The following DNAJC1 variants were observed in gnomAD, a reference collection of about 807,000 sequenced individuals.
The protein encoded by DNAJC1 is DnaJ heat shock protein family (Hsp40) member C1, also known as dnaJ homolog subfamily C member 1.
In DNAJC1, 58 loss-of-function variants were observed where a neutral mutation model predicts 76.6. The observed-to-expected ratio is 0.76, with a 90% confidence interval of 0.61 to 0.94. The LOEUF (loss-of-function observed/expected upper bound fraction) is 0.94. Ranked by LOEUF, DNAJC1 falls within the 40% of genes least tolerant of loss-of-function variation. DNAJC1 has a pLI of 0.00. For synonymous variants in DNAJC1, 258 were observed against 267.9 expected (o/e 0.96, Z 0.36); for missense variants, 689 against 677.3 (o/e 1.02, Z -0.19).
chr10:21,810,837 C>CA (rs1332907010), intron 8 of DNAJC1, among the ~76,000 whole-genome samples: 2 of 152,122 alleles, frequency 1.3e-5, no homozygotes, highest in Non-Finnish European at 2.9e-5. Flanking sequence ...GACCCATACC[C>CA]AATATAACTG....
intron 8 of DNAJC1, among the ~76,000 whole-genome samples, chr10:21,811,509 G>A (rs956055194): frequency 1.3e-5 from 2 of 152,222 alleles, no homozygotes; most frequent in African/African-American, 4.8e-5. Flanking sequence ...ATCAGTGTGA[G>A]AGTTGTGTGC....
intron 8 of DNAJC1, among the ~76,000 whole-genome samples, chr10:21,878,771 C>G (rs1836225521): frequency 6.6e-6 from 1 of 152,048 alleles, no homozygotes; most frequent in Non-Finnish European, 1.5e-5. Context: ...ACTGTATTTA[C>G]TGAAGTTGAG....
At chr10:21,818,651 C>A (rs1223366478) in intron 8 of DNAJC1, among the ~76,000 whole-genome samples, 1 of 152,168 alleles carries the variant, frequency 6.6e-6, no homozygotes, top group Non-Finnish European at 1.5e-5. Context: ...TACTCTGTCC[C>A]TTTATTTCTC....
At chr10:21,858,882 C>T (rs886785473) in intron 8 of DNAJC1, among the ~76,000 whole-genome samples, 5 of 152,050 alleles carry the variant, frequency 3.3e-5, no homozygotes, top group Admixed American at 2.6e-4. Context: ...GAACTTTACT[C>T]CCATTACTCA....
At chr10:21,958,701 C>G (rs1001811086) in intron 1 of DNAJC1, among the ~76,000 whole-genome samples, 2 of 152,130 alleles carry the variant, frequency 1.3e-5, no homozygotes, top group African/African-American at 4.8e-5. Context: ...GCTGGGATTA[C>G]AGGAGTGAGC....
intron 7 of DNAJC1, among the ~76,000 whole-genome samples, chr10:21,903,171 G>A (rs554091305): frequency 2.8e-4 from 43 of 152,146 alleles, no homozygotes; most frequent in African/African-American, 9.9e-4. Flanking sequence ...CGCCCGCCTC[G>A]GCCTCCAAAA....
chr10:21,766,444 G>A (rs370480933), intron 9 of DNAJC1, 135 bp from the exon 10 acceptor site: 23 of 677,808 alleles, frequency 3.4e-5, no homozygotes, highest in Middle Eastern at 2.5e-4. Context: ...TCAGTCGTCT[G>A]TCGCATCCAT....
intron 1 of DNAJC1, among the ~76,000 whole-genome samples, chr10:21,958,907 T>G (rs1015759147): frequency 1.3e-5 from 2 of 152,194 alleles, no homozygotes; most frequent in African/African-American, 4.8e-5. Context: ...ATTTTGAATA[T>G]AACAGAGCTC....
chr10:21,884,157 T>C (rs764000119), intron 7 of DNAJC1, among the ~76,000 whole-genome samples: 5 of 152,232 alleles, frequency 3.3e-5, no homozygotes, highest in Admixed American at 6.5e-5. Flanking sequence ...AGACAAATAA[T>C]AGATTTGGAA....
chr10:21,965,019 A>G (rs1214729336), intron 1 of DNAJC1, among the ~76,000 whole-genome samples: 1 of 152,108 alleles, frequency 6.6e-6, no homozygotes, highest in South Asian at 2.1e-4. Flanking sequence ...ACTGTATTGT[A>G]TAACAATTCT....
At chr10:21,781,832 T>G (rs2131628291) in intron 9 of DNAJC1, among the ~76,000 whole-genome samples, 1 of 151,334 alleles carries the variant, frequency 6.6e-6, no homozygotes. Context: ...CAGAAATAAG[T>G]ATGTTCTTTG....
chr10:21,783,124 G>C (rs1341275000), intron 9 of DNAJC1, among the ~76,000 whole-genome samples: 1 of 152,206 alleles, frequency 6.6e-6, no homozygotes, highest in Non-Finnish European at 1.5e-5. Flanking sequence ...CCTGTTTGTA[G>C]ATGACATGAT....
intron 8 of DNAJC1, among the ~76,000 whole-genome samples, chr10:21,846,596 A>C (rs1348568950): frequency 6.6e-6 from 1 of 152,200 alleles, no homozygotes; most frequent in African/African-American, 2.4e-5. Context: ...TTTAAAATTG[A>C]AATATAATAT....
intron 10 of DNAJC1, among the ~76,000 whole-genome samples, chr10:21,761,858 T>C (rs575846412): frequency 7.2e-5 from 11 of 152,220 alleles, no homozygotes; most frequent in Non-Finnish European, 1.6e-4. Flanking sequence ...ATCTCCTCCA[T>C]ATTTTTTATT....
intron 9 of DNAJC1, among the ~76,000 whole-genome samples, chr10:21,778,392 C>T (rs1013166679): frequency 6.6e-6 from 1 of 152,118 alleles, no homozygotes; most frequent in Non-Finnish European, 1.5e-5. Context: ...GTTCAAATAT[C>T]GTGTGGGTCA....
chr10:21,913,511 G>A (rs1319458373), intron 6 of DNAJC1, among the ~76,000 whole-genome samples: 3 of 152,020 alleles, frequency 2.0e-5, no homozygotes, highest in African/African-American at 7.2e-5. Flanking sequence ...AAACAGTTGC[G>A]AAAATAAACT....
chr10:21,959,764 C>T (rs1386666444), intron 1 of DNAJC1, among the ~76,000 whole-genome samples: 4 of 138,270 alleles, frequency 2.9e-5, no homozygotes, highest in African/African-American at 8.3e-5. Context: ...TCAGCCTAGG[C>T]GACAGAGGGA....
intron 1 of DNAJC1, among the ~76,000 whole-genome samples, chr10:21,959,668 C>G (rs1837752781): frequency 1.3e-5 from 2 of 151,664 alleles, no homozygotes; most frequent in African/African-American, 2.4e-5. Flanking sequence ...TGCCTGTAGT[C>G]CCAGCTACCC....
At chr10:21,774,713 G>A (rs981067190) in intron 9 of DNAJC1, among the ~76,000 whole-genome samples, 2 of 152,142 alleles carry the variant, frequency 1.3e-5, no homozygotes, top group Admixed American at 6.5e-5. Flanking sequence ...TCCTGACCTC[G>A]TGATCCGCCT....
Sources: allele counts gnomAD v4.1 joint callset (sites outside exome capture counted in the v4.1 genomes callset), GRCh38; gene constraint gnomAD v4.1.1; transcripts MANE v1.5; gene names NCBI Gene and HGNC (gene_info 2026-07-23, HGNC 2026-07-21).